Variants in PCM1 observed in about 807,000 individuals in gnomAD.
The protein encoded by PCM1 is pericentriolar material 1 protein.
Under a neutral mutation model 241.9 loss-of-function variants are expected in PCM1, and 157 were observed. The observed-to-expected ratio is 0.65, with a 90% CI of 0.57 to 0.74. PCM1 has a LOEUF of 0.74. Ranked by LOEUF, PCM1 falls within the 30% of genes least tolerant of loss-of-function variation. The pLI is 0.00. For missense variants in PCM1, 3,478 were observed against 2,360.1 expected (o/e 1.47, Z -9.81); for synonymous variants, 1,085 against 784.9 (o/e 1.38, Z -6.39).
At chr8:17,945,879 G>A (rs575272863) in intron 6 of PCM1, among the ~76,000 whole-genome samples, 1 of 151,972 alleles carries the variant, frequency 6.6e-6, no homozygotes, top group East Asian at 1.9e-4. Context: ...TTTGTTAGCA[G>A]TACAAATTTA....
At chr8:17,953,268 A>C in intron 9 of PCM1, 82 bp downstream of exon 9, 1 of 667,626 alleles carries the variant, frequency 1.5e-6, no homozygotes, top group Non-Finnish European at 2.4e-6. Context: ...GTATTTGGTG[A>C]ATGAACACAT....
At chr8:17,962,742 A>T (rs2073030255) in intron 16 of PCM1, among the ~76,000 whole-genome samples, 1 of 151,952 alleles carries the variant, frequency 6.6e-6, no homozygotes, top group African/African-American at 2.4e-5. Context: ...CTACTAAAAA[A>T]TACAAAAAAA....
chr8:17,952,105 C>G (rs1316004482), intron 8 of PCM1, among the ~76,000 whole-genome samples: 1 of 151,980 alleles, frequency 6.6e-6, no homozygotes, highest in Non-Finnish European at 1.5e-5. Flanking sequence ...CACCTGTAAT[C>G]TCAGCTGCTT....
chr8:18,005,437 A>G (rs912288766), intron 29 of PCM1, among the ~76,000 whole-genome samples: 6 of 151,138 alleles, frequency 4.0e-5, no homozygotes, highest in Non-Finnish European at 7.4e-5. Flanking sequence ...GACCTTGAAC[A>G]TCTAGTTTGG....
At chr8:17,994,172 C>T (rs2085762984) in intron 29 of PCM1, among the ~76,000 whole-genome samples, 1 of 152,150 alleles carries the variant, frequency 6.6e-6, no homozygotes, top group African/African-American at 2.4e-5. Flanking sequence ...TAACCATCTT[C>T]CCTATTCCCT....
At chr8:18,018,773 T>A (rs2093461989) in intron 36 of PCM1, among the ~76,000 whole-genome samples, 1 of 146,694 alleles carries the variant, frequency 6.8e-6, no homozygotes, top group Admixed American at 6.9e-5. Context: ...ATCGTGCCAC[T>A]GCACTCCAGC....
chr8:17,952,576 T>A (rs2066492138), intron 8 of PCM1, among the ~76,000 whole-genome samples: 1 of 152,172 alleles, frequency 6.6e-6, no homozygotes, highest in Admixed American at 6.5e-5. Context: ...AATGCAAATT[T>A]AAAAATATAA....
chr8:17,931,239 G>A (rs1242658762), intron 2 of PCM1, among the ~76,000 whole-genome samples: 2 of 152,048 alleles, frequency 1.3e-5, no homozygotes, highest in African/African-American at 2.4e-5. Flanking sequence ...CATTTTAGGG[G>A]GAATTTATTG....
chr8:17,970,362 T>G (rs765074454), intron 22 of PCM1, among the ~76,000 whole-genome samples: 5 of 152,062 alleles, frequency 3.3e-5, no homozygotes, highest in Non-Finnish European at 7.4e-5. Flanking sequence ...TTTAGCTATG[T>G]GATTAGGAAG....
At chr8:17,998,123 G>C (rs1259996388) in intron 29 of PCM1, among the ~76,000 whole-genome samples, 1 of 151,974 alleles carries the variant, frequency 6.6e-6, no homozygotes, top group Non-Finnish European at 1.5e-5. Flanking sequence ...TGAATTCTCT[G>C]TCTGAAAGGT....
intron 8 of PCM1, among the ~76,000 whole-genome samples, chr8:17,952,267 C>A (rs1161116451): frequency 6.8e-6 from 1 of 146,620 alleles, no homozygotes; most frequent in East Asian, 1.9e-4. Context: ...AATAAAGGAA[C>A]ATGAGAGAGA....
chr8:17,983,685 C>T (rs541798950), intron 24 of PCM1, among the ~76,000 whole-genome samples: 1 of 152,070 alleles, frequency 6.6e-6, no homozygotes. Flanking sequence ...TCAAACAAAA[C>T]AATGATTACA....
intron 29 of PCM1, among the ~76,000 whole-genome samples, chr8:17,995,736 C>A (rs943221787): frequency 6.9e-6 from 1 of 145,966 alleles, no homozygotes; most frequent in African/African-American, 2.8e-5. Flanking sequence ...TTTTAAATTT[C>A]TTTCATCAGT....
Position 17,985,618 on chromosome 8 carries a change from A to G in PCM1, c.4280A>G (p.Gln1427Arg). The G allele has an allele frequency of 6.2e-7, 1 of 1,600,936 alleles. No individual in the cohort carries two copies. The highest frequency in any genetic ancestry group is 8.5e-7 in the Non-Finnish European group (1 of 1,172,172). Residue 1427 changes from glutamine (Q) to arginine (R), a missense_variant and splice_region_variant, in exon 25 of 39, where the codon CAG becomes CGG. Physicochemically the swap from Gln to Arg is conservative, Grantham distance 43. Transcript: ENST00000325083. ...AGACAGAGGGCTTTATATGCATTGC[A>G]GGTATCTGGTACCTAACATAATTTT... ...YLRQRALYAL[Q>R]DIVSRHISES...
In PCM1 at chr8:18,011,816, C is replaced by T; in HGVS notation, c.5500C>T (p.His1834Tyr). Residue 1834 changes from histidine to tyrosine, a missense_variant, in exon 34 of 39, where the codon CAT becomes TAT. Transcript: ENST00000325083. ...CACTGAAGCTACTGAAGAAAATGAA[C>T]ATGATGAACAGGTATTCCCGTATTG... ...ANTEATEENE[H>Y]DEQVLQRDFK... 2 of 1,612,784 alleles carry T rather than the reference C, an allele frequency of 1.2e-6. No homozygotes were observed. The highest frequency in any genetic ancestry group is 1.7e-6 in the Non-Finnish European group (2 of 1,179,522).
At position 17,963,184 on chromosome 8, in the gene PCM1, A is replaced by G; in HGVS notation, c.2547A>G (p.Glu849=). The change falls in exon 17 of 39, where the codon GAA becomes GAG. Residue 849 remains glutamate, a synonymous_variant. Coordinates refer to ENST00000325083, the MANE Select transcript of PCM1 (RefSeq NM_006197.4). ...RRKQLEALMA[E]HQRRQGLAET... ...AGCAGCTTGAAGCTCTGATGGCTGA[A>G]CATCAGAGGAGGCAAGGTCTAGCTG... 1 of 1,612,052 alleles carries G rather than the reference A, an allele frequency of 6.2e-7. No individual in the cohort carries two copies. The highest frequency in any genetic ancestry group is 1.1e-5 in the South Asian group (1 of 91,026).
intron 15 of PCM1, among the ~76,000 whole-genome samples, chr8:17,960,734 C>T (rs1024686232): frequency 2.0e-5 from 3 of 151,936 alleles, no homozygotes; most frequent in African/African-American, 7.3e-5. Context: ...CAGTGTTAGC[C>T]AGGATGGTTT....
chr8:18,024,490 T>TA (rs1588823585), intron 36 of PCM1, among the ~76,000 whole-genome samples: 1 of 152,228 alleles, frequency 6.6e-6, no homozygotes, highest in East Asian at 1.9e-4. Context: ...TTTGCCTCAC[T>TA]ACGAGTACAA....
chr8:18,006,542 A>G (rs1173975012), intron 30 of PCM1, 145 bp downstream of exon 30: 2 of 584,524 alleles, frequency 3.4e-6, no homozygotes, highest in East Asian at 2.7e-5. Context: ...ATGTTGTAAT[A>G]CTTTTTAGTT....
Sources: allele counts gnomAD v4.1 joint callset (sites outside exome capture counted in the v4.1 genomes callset), GRCh38; gene constraint gnomAD v4.1.1; transcripts MANE v1.5; gene names NCBI Gene and HGNC (gene_info 2026-07-23, HGNC 2026-07-21).